ARHGEF18: variants seen among roughly 807,000 people sequenced by gnomAD.
ARHGEF18 encodes rho guanine nucleotide exchange factor 18.
In ARHGEF18, 93 loss-of-function variants were observed where a neutral mutation model predicts 155.7. That is an observed-to-expected ratio of 0.60 (90% CI 0.50 to 0.71). The LOEUF is 0.71. Ranked by LOEUF, ARHGEF18 falls within the 30% of genes least tolerant of loss-of-function variation. The pLI, the probability that ARHGEF18 is intolerant of heterozygous loss-of-function variation, is 0.00. For missense variants in ARHGEF18, 1,593 were observed against 1,816.1 expected (o/e 0.88, Z 2.23); for synonymous variants, 742 against 753.1 (o/e 0.99, Z 0.24).
intron 1 of ARHGEF18, among the ~76,000 whole-genome samples, chr19:7,354,568 T>C (rs1015753438): frequency 6.6e-6 from 1 of 152,082 alleles, no homozygotes; most frequent in Non-Finnish European, 1.5e-5. Flanking sequence ...CCTGCACGGA[T>C]GAGCACTCGT....
At chr19:7,373,696 G>A (rs1371216388) in intron 3 of ARHGEF18, among the ~76,000 whole-genome samples, 2 of 150,474 alleles carry the variant, frequency 1.3e-5, no homozygotes. Flanking sequence ...GGCTGGTCTC[G>A]AACTCCTGAC....
chr19:7,365,448 G>A (rs1969843794), intron 2 of ARHGEF18, among the ~76,000 whole-genome samples: 1 of 152,126 alleles, frequency 6.6e-6, no homozygotes, highest in Non-Finnish European at 1.5e-5. Flanking sequence ...AGCAGTGAAG[G>A]AATTAGTCCA....
At chr19:7,443,480 C>T (rs528119559) in intron 13 of ARHGEF18, among the ~76,000 whole-genome samples, 4 of 152,266 alleles carry the variant, frequency 2.6e-5, no homozygotes, top group Admixed American at 2.0e-4. Context: ...GGATTACAGA[C>T]GTGAGCCACC....
At chr19:7,419,290 G>C (rs192834753) in intron 10 of ARHGEF18, among the ~76,000 whole-genome samples, 1 of 109,644 alleles carries the variant, frequency 9.1e-6, no homozygotes, top group Non-Finnish European at 1.6e-5. Flanking sequence ...CTCGGCCCCC[G>C]CACCTGGGTG....
intron 10 of ARHGEF18, among the ~76,000 whole-genome samples, chr19:7,425,811 G>A (rs745713327): frequency 6.6e-6 from 1 of 151,668 alleles, no homozygotes; most frequent in Non-Finnish European, 1.5e-5. Context: ...ACCAGCCTGG[G>A]CAACATAGCA....
intron 10 of ARHGEF18, among the ~76,000 whole-genome samples, chr19:7,389,182 G>A (rs879569546): frequency 1.0e-4 from 15 of 143,744 alleles, no homozygotes; most frequent in Non-Finnish European, 2.0e-4. Context: ...ACAGAGTCTC[G>A]CTCTGTTGCC....
At chr19:7,367,108 A>G (rs10419264) in intron 2 of ARHGEF18, among the ~76,000 whole-genome samples, 17,107 of 152,164 alleles carry the variant, frequency 0.11, 2,640 homozygotes, top group African/African-American at 0.35. Flanking sequence ...TCTATCCGCC[A>G]AGGTTTGCAT....
intron 27 of ARHGEF18, 45 bp from the exon 28 acceptor site, chr19:7,469,859 C>T (rs769053888): frequency 1.9e-6 from 3 of 1,599,454 alleles, no homozygotes; most frequent in Non-Finnish European, 2.6e-6. Context: ...CGGGTGGGGA[C>T]AGCTGGCCAG....
intron 23 of ARHGEF18, among the ~76,000 whole-genome samples, chr19:7,465,900 A>G (rs1468152415): frequency 6.6e-6 from 1 of 152,160 alleles, no homozygotes; most frequent in Non-Finnish European, 1.5e-5. Context: ...CCTGGCCAAC[A>G]TGGTGAAACC....
chr19:7,426,486 CAA>C (rs760020542), intron 10 of ARHGEF18, among the ~76,000 whole-genome samples: 14 of 100,740 alleles, frequency 1.4e-4, no homozygotes, highest in Non-Finnish European at 1.2e-4. Flanking sequence ...GACTCTGTCT[CAA>C]AAAAAAAAAA....
intron 10 of ARHGEF18, among the ~76,000 whole-genome samples, chr19:7,385,823 A>C (rs556942765): frequency 0.074 from 5,397 of 73,190 alleles, 580 homozygotes; most frequent in African/African-American, 0.25. Context: ...GATAGGATCT[A>C]TCTCTCTCTA....
chr19:7,472,999 CGTGGAGGTGCCT>C (rs1977111697), downstream of ARHGEF18: 1 of 456,068 alleles, frequency 2.2e-6, no homozygotes, highest in South Asian at 1.6e-5. Context: ...AGGAGTGGGG[CGTGGAGGTGCCT>C]GTGGAGGGTC....
Position 7,458,520 on chromosome 19 carries a change from G to A in ARHGEF18, c.2190G>A (p.Lys730=), listed in dbSNP as rs755000943. ...QKYVFASVDS[K]PPVISLQKLI... ...GCCCTCTACTCATGCAGGACTCAAA[G>A]CCACCCGTCATCTCGTTACAAAAGC... Residue 730 remains lysine, a synonymous_variant, in exon 19 of 29, where the codon AAG becomes AAA. Transcript: ENST00000668164. 2 of 1,613,982 alleles carry A rather than the reference G, an allele frequency of 1.2e-6. No individual in the cohort carries two copies. Among genetic ancestry groups the A allele is most frequent in the African/African-American group, 1.3e-5 (1 of 75,028 alleles).
At chr19:7,477,702 C>T in the ARHGEF18 span, among the ~76,000 whole-genome samples, 302 of 152,302 alleles carry the variant, frequency 2.0e-3, 2 homozygotes, top group Admixed American at 4.3e-3. Flanking sequence ...GATGGGGATT[C>T]CTTGTGAAAA....
At chr19:7,433,237 C>A (rs1270083718) in intron 10 of ARHGEF18, among the ~76,000 whole-genome samples, 1 of 151,554 alleles carries the variant, frequency 6.6e-6, no homozygotes, top group Non-Finnish European at 1.5e-5. Context: ...GAGGCCAAGG[C>A]GGGTGGATCA....
the ARHGEF18 span, chr19:7,478,404 G>A: frequency 6.3e-7 from 1 of 1,595,156 alleles, no homozygotes; most frequent in South Asian, 1.1e-5. Context: ...GAGGGAGGAT[G>A]CCCCGGCGGG....
At chr19:7,407,879 G>C (rs976669526) in intron 10 of ARHGEF18, among the ~76,000 whole-genome samples, 1 of 149,444 alleles carries the variant, frequency 6.7e-6, no homozygotes, top group Non-Finnish European at 1.5e-5. Flanking sequence ...GGAGAATGGC[G>C]TGAACCCAGG....
At position 7,472,237 on chromosome 19, in the gene ARHGEF18, C is replaced by T. The variant is rs1259865135; in HGVS notation, c.*1939C>T. The T allele has an allele frequency of 6.6e-6, 1 of 152,366 alleles. No individual in the cohort carries two copies. Among genetic ancestry groups the T allele is most frequent in the African/African-American group, 2.4e-5 (1 of 41,474 alleles). The allele number at this position is 152,366 out of a possible 1,614,324, so 9.4% of individuals were successfully genotyped here. A position where few individuals can be genotyped will look rare whatever the true frequency, so the allele number is the denominator to read the frequency against. ...GCATCGGGCGGCAGCGCCGACAGCC[C>T]TTCCCTCGCCAGTGCCCCTCGGCCA... is the stretch of plus-strand genomic sequence containing the variant. On this transcript the variant is annotated 3_prime_UTR_variant, in exon 29 of 29. Transcript: ENST00000668164.
intron 8 of ARHGEF18, among the ~76,000 whole-genome samples, chr19:7,381,224 T>G (rs1262473081): frequency 6.7e-6 from 1 of 149,386 alleles, no homozygotes. Flanking sequence ...GACGGAAGAG[T>G]AGGAGTTTGC....
Sources: allele counts gnomAD v4.1 joint callset (sites outside exome capture counted in the v4.1 genomes callset), GRCh38; gene constraint gnomAD v4.1.1; transcripts MANE v1.5; gene names NCBI Gene and HGNC (gene_info 2026-07-23, HGNC 2026-07-21).